The following PTH2R variants were observed in gnomAD, a reference collection of about 807,000 sequenced individuals.
PTH2R encodes parathyroid hormone 2 receptor, also known as PTH2 receptor.
PTH2R carries 59 observed loss-of-function variants against 60.3 expected under a neutral mutation model. The ratio of observed to expected loss-of-function variants is 0.98; its 90% CI spans 0.79 to 1.22. The LOEUF (loss-of-function observed/expected upper bound fraction) is 1.22, where lower values mean the gene tolerates loss of function less well. Ranked by LOEUF, PTH2R falls within the 50% of genes most tolerant of loss-of-function variation. The pLI, the probability that PTH2R is intolerant of heterozygous loss-of-function variation, is 0.00. For missense variants in PTH2R, 749 were observed against 682.6 expected (o/e 1.10, Z -1.08); for synonymous variants, 256 against 243.8 (o/e 1.05, Z -0.47).
intron 1 of PTH2R, among the ~76,000 whole-genome samples, chr2:208,400,622 A>G (rs1701290938): frequency 6.6e-6 from 1 of 152,224 alleles, no homozygotes; most frequent in Non-Finnish European, 1.5e-5. Context: ...CCTTTTATAA[A>G]GATCTCATTG....
At chr2:208,361,763 T>A (rs1037308239) in intron 1 of PTH2R, among the ~76,000 whole-genome samples, 1 of 145,428 alleles carries the variant, frequency 6.9e-6, no homozygotes, top group African/African-American at 2.5e-5. Context: ...AAGATTTCCT[T>A]TTTTTTTTTT....
At chr2:208,430,169 A>G (rs1157056676) in intron 2 of PTH2R, among the ~76,000 whole-genome samples, 2 of 152,186 alleles carry the variant, frequency 1.3e-5, no homozygotes, top group African/African-American at 4.8e-5. Flanking sequence ...TTTAAAGTTT[A>G]TCATTCTCTT....
intron 2 of PTH2R, among the ~76,000 whole-genome samples, chr2:208,429,816 A>C (rs1428183989): frequency 1.3e-5 from 2 of 152,196 alleles, no homozygotes; most frequent in Admixed American, 6.5e-5. Context: ...TTTACATTTC[A>C]GGAGTATCTT....
chr2:208,488,602 T>C (rs938269649), intron 10 of PTH2R, among the ~76,000 whole-genome samples: 4 of 151,950 alleles, frequency 2.6e-5, no homozygotes, highest in African/African-American at 2.4e-5. Context: ...GTTTAGTATG[T>C]AAGTGACAGA....
In PTH2R at chr2:208,435,120, T is replaced by C. The variant is rs1196454044; in HGVS notation, c.179-2417T>C. 3.3e-5 allele frequency among the ~76,000 whole-genome samples: 5 copies of C among 152,238 alleles called. No individual in the cohort carries two copies. In the South Asian group the frequency reaches 1.0e-3, roughly 31 times the overall value. ...AATTTCAGGTTCATAACTGAATTTA[T>C]TTTTCTGTAGAGATCAGTGTCTCTG... On this transcript the variant is annotated intron_variant, in intron 2 of 12. Coordinates refer to ENST00000272847, the MANE Select transcript of PTH2R (RefSeq NM_005048.4).
At chr2:208,452,770 A>G (rs1407765158) in intron 8 of PTH2R, among the ~76,000 whole-genome samples, 1 of 152,184 alleles carries the variant, frequency 6.6e-6, no homozygotes, top group African/African-American at 2.4e-5. Flanking sequence ...GTACTTCATA[A>G]TTTTGCAAAT....
At chr2:208,460,168 G>T (rs1482644500) in intron 9 of PTH2R, among the ~76,000 whole-genome samples, 2 of 152,054 alleles carry the variant, frequency 1.3e-5, no homozygotes, top group Admixed American at 6.6e-5. Context: ...CCTTTAATCA[G>T]CTAGCACTTG....
At chr2:208,392,338 G>T (rs1701122597) in intron 1 of PTH2R, among the ~76,000 whole-genome samples, 1 of 152,120 alleles carries the variant, frequency 6.6e-6, no homozygotes, top group South Asian at 2.1e-4. Context: ...TAATCTTTAG[G>T]TTATTAATAA....
At chr2:208,425,182 G>A (rs942246531) in intron 1 of PTH2R, among the ~76,000 whole-genome samples, 1 of 152,084 alleles carries the variant, frequency 6.6e-6, no homozygotes, top group Non-Finnish European at 1.5e-5. Flanking sequence ...CCTTAAGGAG[G>A]TCATAATCAT....
At chr2:208,377,842 TC>T (rs1326861795) in intron 1 of PTH2R, among the ~76,000 whole-genome samples, 2 of 150,584 alleles carry the variant, frequency 1.3e-5, no homozygotes, top group African/African-American at 4.9e-5. Flanking sequence ...GCTCCTCACT[TC>T]CTAGACGTGA....
intron 4 of PTH2R, among the ~76,000 whole-genome samples, chr2:208,441,849 A>G (rs1287843585): frequency 6.6e-6 from 1 of 152,230 alleles, no homozygotes; most frequent in Non-Finnish European, 1.5e-5. Flanking sequence ...AAAATTACAT[A>G]AGATGTAAGC....
intron 1 of PTH2R, among the ~76,000 whole-genome samples, chr2:208,371,076 A>C (rs1700693010): frequency 6.6e-6 from 1 of 152,040 alleles, no homozygotes; most frequent in Admixed American, 6.5e-5. Context: ...GATGGCACTA[A>C]GCCATTCATG....
At chr2:208,489,254 C>A in intron 11 of PTH2R, 104 bp downstream of exon 11, 4 of 1,432,966 alleles carry the variant, frequency 2.8e-6, no homozygotes, top group Non-Finnish European at 3.8e-6. Flanking sequence ...TTTGATGCAC[C>A]TGTCTGGGGA....
Position 208,365,929 on chromosome 2 carries a change from AATATATATATATATATATAT to A in PTH2R, c.-259+5705_-259+5724del, listed in dbSNP as rs1224025157. ...TTATATATATATAATATAATAGATAAATATATATATATATATATATATATATATATATTTTTTTTTTTTTT... is the reference window on the plus strand; with the variant it reads ...TTATATATATATAATATAATAGATAAATATATATATATTTTTTTTTTTTTT... On this transcript the variant is annotated intron_variant, in intron 1 of 12. Transcript: ENST00000617735. Among the ~76,000 whole-genome samples the A allele has an allele frequency of 6.5e-3, 284 of 43,736 alleles. 23 individuals are homozygous for A. The highest frequency in any genetic ancestry group is 0.023 in the African/African-American group (255 of 11,148). 28.7% of individuals were successfully genotyped at this position (43,736 alleles called of 152,430 possible).
chr2:208,489,345 A>T (rs746866079), intron 11 of PTH2R, among the ~76,000 whole-genome samples, 195 bp downstream of exon 11: 2 of 152,150 alleles, frequency 1.3e-5, no homozygotes, highest in Non-Finnish European at 2.9e-5. Flanking sequence ...TCCTCTGCTC[A>T]CAGCAGGAGC....
At chr2:208,493,030 C>G (rs1219896299) in intron 12 of PTH2R, among the ~76,000 whole-genome samples, 1 of 152,184 alleles carries the variant, frequency 6.6e-6, no homozygotes, top group Non-Finnish European at 1.5e-5. Context: ...AAAGTCTGAT[C>G]TTGGACAAGT....
At chr2:208,450,219 G>T (rs555782570) in intron 7 of PTH2R, among the ~76,000 whole-genome samples, 2 of 152,316 alleles carry the variant, frequency 1.3e-5, no homozygotes, top group South Asian at 2.1e-4. Context: ...GCATGAAAAT[G>T]CTTCTGTCTT....
intron 9 of PTH2R, among the ~76,000 whole-genome samples, chr2:208,465,239 G>C (rs1445199166): frequency 6.6e-6 from 1 of 151,940 alleles, no homozygotes; most frequent in Non-Finnish European, 1.5e-5. Context: ...GCCTCCCATA[G>C]TGCTGGTATT....
At chr2:208,441,802 C>T (rs1355517366) in intron 4 of PTH2R, among the ~76,000 whole-genome samples, 2 of 152,046 alleles carry the variant, frequency 1.3e-5, no homozygotes, top group East Asian at 1.9e-4. Flanking sequence ...ATATGCGTGT[C>T]GCATCAATAT....
Sources: allele counts gnomAD v4.1 joint callset (sites outside exome capture counted in the v4.1 genomes callset), GRCh38; gene constraint gnomAD v4.1.1; transcripts MANE v1.5; gene names NCBI Gene and HGNC (gene_info 2026-07-23, HGNC 2026-07-21).